SYN2: variants seen among roughly 807,000 people sequenced by gnomAD.
SYN2 encodes synapsin II.
SYN2 carries 19 observed loss-of-function variants against 50.9 expected under a neutral mutation model. That is an observed-to-expected ratio of 0.37 (90% CI 0.26 to 0.55). The LOEUF is 0.55. Ranked by LOEUF, SYN2 falls within the 20% of genes least tolerant of loss-of-function variation. The pLI, the probability that SYN2 is intolerant of heterozygous loss-of-function variation, is 0.81. For synonymous variants in SYN2, 255 were observed against 224.9 expected, an observed-to-expected ratio of 1.13 and a Z score of -1.20; for missense variants, 587 against 576.4, an observed-to-expected ratio of 1.02 and a Z score of -0.19.
intron 5 of SYN2, among the ~76,000 whole-genome samples, chr3:12,155,420 G>C (rs781365184): frequency 2.2e-4 from 33 of 152,216 alleles, no homozygotes; most frequent in Non-Finnish European, 7.3e-5. Context: ...GGGCCTTGAA[G>C]GGATGAGTGG....
At chr3:12,118,055 G>A (rs540974372) in intron 1 of SYN2, among the ~76,000 whole-genome samples, 1 of 152,332 alleles carries the variant, frequency 6.6e-6, no homozygotes, top group African/African-American at 2.4e-5. Flanking sequence ...TTTGTGCAGT[G>A]CGAAGTAGCA....
intron 1 of SYN2, among the ~76,000 whole-genome samples, chr3:12,040,557 C>T (rs577360957): frequency 4.6e-5 from 7 of 151,358 alleles, no homozygotes; most frequent in East Asian, 1.9e-4. Flanking sequence ...CTCAGCCTCC[C>T]GAGTAGCTGG....
chr3:12,047,101 G>A (rs956625206), intron 1 of SYN2, among the ~76,000 whole-genome samples: 4 of 152,106 alleles, frequency 2.6e-5, no homozygotes, highest in African/African-American at 9.7e-5. Context: ...ATATATTAAT[G>A]TTCCAATTAT....
At chr3:12,106,206 T>C (rs1175227707) in intron 1 of SYN2, among the ~76,000 whole-genome samples, 1 of 152,232 alleles carries the variant, frequency 6.6e-6, no homozygotes, top group Admixed American at 6.5e-5. Context: ...ACATGTGGCC[T>C]TCTCAATCTT....
At position 12,191,959 on chromosome 3, in the gene SYN2, C is replaced by G. The variant is rs1574901331; in HGVS notation, c.*1334C>G. ...ACTCCCTGATACTCAAGTATATTTT[C>G]CCAAAGACCACGGATGCTGTGAAGA... is the stretch of plus-strand genomic sequence containing the variant. On this transcript the variant is annotated 3_prime_UTR_variant, in exon 13 of 13. Coordinates refer to ENST00000621198, the MANE Select transcript of SYN2 (RefSeq NM_133625.6). 6.6e-6 allele frequency among the ~76,000 whole-genome samples: 1 copy of G among 152,134 alleles called. No individual in the cohort carries two copies. Among genetic ancestry groups the G allele is most frequent in the African/African-American group, 2.4e-5 (1 of 41,416 alleles).
intron 1 of SYN2, among the ~76,000 whole-genome samples, chr3:12,132,009 C>T (rs1696805620): frequency 6.7e-6 from 1 of 150,058 alleles, no homozygotes; most frequent in Non-Finnish European, 1.5e-5. Flanking sequence ...TCTTTTTTTT[C>T]CTTTCTTTTC....
intron 11 of SYN2, chr3:12,184,638 C>A: frequency 5.1e-6 from 5 of 985,906 alleles, no homozygotes; most frequent in Non-Finnish European, 6.0e-6. Flanking sequence ...GGAACTGTCT[C>A]AGATTTAGCT....
chr3:12,007,530 T>C (rs550506695), intron 1 of SYN2, among the ~76,000 whole-genome samples: 1 of 152,344 alleles, frequency 6.6e-6, no homozygotes, highest in East Asian at 1.9e-4. Context: ...AGACTGATTT[T>C]AGTAAAATTG....
chr3:12,169,980 A>G, intron 10 of SYN2, 74 bp downstream of exon 10: 1 of 1,502,924 alleles, frequency 6.7e-7, no homozygotes, highest in African/African-American at 1.4e-5. Flanking sequence ...TTGATGGCTA[A>G]AGAATGGAGT....
intron 1 of SYN2, among the ~76,000 whole-genome samples, chr3:12,023,415 T>C (rs151262759): frequency 1.3e-5 from 2 of 150,872 alleles, no homozygotes; most frequent in African/African-American, 4.8e-5. Context: ...GGGAGGTAGC[T>C]TTGGGGAGTG....
At chr3:12,168,533 G>A in intron 9 of SYN2, 55 bp downstream of exon 9, 1 of 1,463,928 alleles carries the variant, frequency 6.8e-7, no homozygotes, top group Non-Finnish European at 9.5e-7. Flanking sequence ...AACTATGTGG[G>A]CAGCTCAGAC....
In SYN2 at chr3:12,151,232, T is replaced by C. The variant is rs1427324938; in HGVS notation, c.685-5T>C. 2 of 1,609,110 alleles carry C rather than the reference T, an allele frequency of 1.2e-6. No homozygotes were observed. The highest frequency in any genetic ancestry group is 2.2e-5 in the South Asian group (2 of 89,546). On this transcript the variant is annotated splice_polypyrimidine_tract_variant and splice_region_variant and intron_variant, in intron 4 of 12. Transcript: ENST00000621198. ...TAAGCTGTAACATTTGCTTTTCTTT[T>C]GCAGTTTGCCCAGCTGGTCGCTATC...
chr3:12,055,021 A>G (rs1391502179), intron 1 of SYN2, among the ~76,000 whole-genome samples: 1 of 152,126 alleles, frequency 6.6e-6, no homozygotes, highest in East Asian at 1.9e-4. Context: ...GGAGATCTGA[A>G]TGCCAAAATT....
In SYN2 at chr3:12,080,752, T is replaced by C. The variant is rs190712376; in HGVS notation, c.378-59899T>C. 3.1e-4 allele frequency among the ~76,000 whole-genome samples: 47 copies of C among 152,346 alleles called. 1 individual carries two copies. Among genetic ancestry groups the C allele is most frequent in the African/African-American group, 1.1e-3 (44 of 41,590 alleles). ...GTGATCAATTTTAGAGTAAGTGCCA[T>C]GTGGCACTGAGAAGAATGTGTATTC... On this transcript the variant is annotated intron_variant, in intron 1 of 12. Coordinates refer to ENST00000621198, the MANE Select transcript of SYN2 (RefSeq NM_133625.6).
At chr3:12,139,363 C>T (rs1220600955) in intron 1 of SYN2, among the ~76,000 whole-genome samples, 8 of 152,156 alleles carry the variant, frequency 5.3e-5, no homozygotes. Flanking sequence ...ATGCGGCACA[C>T]ACAGGGCAAG....
intron 1 of SYN2, among the ~76,000 whole-genome samples, chr3:12,102,409 G>A (rs1468146049): frequency 6.6e-6 from 1 of 152,124 alleles, no homozygotes; most frequent in Non-Finnish European, 1.5e-5. Context: ...GGCAATAACA[G>A]AATAACTGAA....
At chr3:12,179,615 C>T (rs934087472) in intron 10 of SYN2, among the ~76,000 whole-genome samples, 1 of 152,150 alleles carries the variant, frequency 6.6e-6, no homozygotes, top group African/African-American at 2.4e-5. Context: ...TCCATGGTTA[C>T]CTCATTTATA....
intron 11 of SYN2, chr3:12,185,210 T>C (rs1698312848): frequency 3.0e-6 from 3 of 985,742 alleles, no homozygotes; most frequent in African/African-American, 3.5e-5. Context: ...CCTCCCAATC[T>C]GATGAAACGA....
At chr3:12,027,788 G>A (rs1694293065) in intron 1 of SYN2, among the ~76,000 whole-genome samples, 1 of 152,116 alleles carries the variant, frequency 6.6e-6, no homozygotes. Flanking sequence ...TCATGCCTCT[G>A]AGAGCAGAAT....
Sources: gnomAD v4.1 joint callset for allele counts (sites outside exome capture counted in the v4.1 genomes callset) on GRCh38, gnomAD v4.1.1 for gene constraint, MANE v1.5 for transcripts, NCBI Gene and HGNC (gene_info 2026-07-23, HGNC 2026-07-21) for gene names.